The following KIAA1958 variants were observed in gnomAD, a reference collection of about 807,000 sequenced individuals.
KIAA1958 encodes the protein uncharacterized protein KIAA1958.
In KIAA1958, 14 loss-of-function variants were observed where a neutral mutation model predicts 47.2. That is an observed-to-expected ratio of 0.30 (90% CI 0.20 to 0.46). The LOEUF is 0.46. Among genes scored for constraint, KIAA1958 ranks in the 20% least tolerant of loss-of-function variants. The pLI, the probability that KIAA1958 is intolerant of heterozygous loss-of-function variation, is 1.00. For synonymous variants in KIAA1958, 354 were observed against 353.3 expected, an observed-to-expected ratio of 1.00 and a Z score of -0.02; for missense variants, 803 against 909.2, an observed-to-expected ratio of 0.88 and a Z score of 1.50.
At chr9:112,559,714 G>A (rs1023571818) in intron 1 of KIAA1958, among the ~76,000 whole-genome samples, 1 of 152,176 alleles carries the variant, frequency 6.6e-6, no homozygotes, top group Non-Finnish European at 1.5e-5. Context: ...ATTCCATCAG[G>A]AGAATGAGGC....
chr9:112,611,402 T>C (rs1293069360), intron 2 of KIAA1958, among the ~76,000 whole-genome samples: 2 of 152,056 alleles, frequency 1.3e-5, no homozygotes, highest in East Asian at 3.9e-4. Flanking sequence ...AATACAAATA[T>C]ACAACAGTTA....
At chr9:112,575,376 G>C in intron 2 of KIAA1958, 125 bp downstream of exon 2, 2 of 633,710 alleles carry the variant, frequency 3.2e-6, no homozygotes. Context: ...TAGAAAGATA[G>C]AAACAATGAC....
rs748319120 is a variant in KIAA1958 at position 112,574,810 on chromosome 9, C to T, written c.730C>T (p.Pro244Ser). 4.3e-6 allele frequency: 7 copies of T among 1,614,110 alleles called. No individual in the cohort carries two copies. In the Admixed American group the frequency reaches 1.0e-4, roughly 23 times the overall value. Reference sequence around the variant, plus strand: ...ACCCAAGCCTCAGACTCACGCTGGTCCCTCCTGTGTAGGGTCTGCTAAACT... The same window carrying T: ...ACCCAAGCCTCAGACTCACGCTGGTTCCTCCTGTGTAGGGTCTGCTAAACT... ...AKPKPQTHAG[P>S]SCVGSAKLIP... is the part of the protein sequence containing the mutation. The change falls in exon 2 of 4, where the codon CCC becomes TCC. Residue 244 changes from proline to serine, a missense_variant. Physicochemically the swap from Pro to Ser is moderately conservative, Grantham distance 74 (BLOSUM62 -1). This residue lies in a region of KIAA1958 where 761 missense variants were observed against 829.3 expected (regional missense o/e 0.92). Transcript: ENST00000337530.
Position 112,574,434 on chromosome 9 carries a change from C to G in KIAA1958, c.354C>G (p.Asp118Glu). The G allele has an allele frequency of 1.9e-6, 3 of 1,614,146 alleles. No homozygotes were observed. Among genetic ancestry groups the G allele is most frequent in the Non-Finnish European group, 2.5e-6 (3 of 1,179,998 alleles). ...KAKLDCNRTR[D>E]SCDFSYCSEP... Reference sequence around the variant, plus strand: ...AGCTAGACTGTAACCGGACCAGAGACTCTTGTGACTTCTCCTACTGTAGTG... The same window carrying G: ...AGCTAGACTGTAACCGGACCAGAGAGTCTTGTGACTTCTCCTACTGTAGTG... The change falls in exon 2 of 4, where the codon GAC (aspartate) becomes GAG (glutamate). Residue 118 changes from aspartate to glutamate, a missense_variant. This residue lies in a region of KIAA1958 where 761 missense variants were observed against 829.3 expected (regional missense o/e 0.92). Transcript: ENST00000337530.
Position 112,659,280 on chromosome 9 carries a change from G to T in KIAA1958, c.1362G>T (p.Leu454Phe). 1.9e-6 allele frequency: 3 copies of T among 1,612,596 alleles called. No individual in the cohort carries two copies. Among genetic ancestry groups the T allele is most frequent in the South Asian group, 1.1e-5 (1 of 90,980 alleles). The stretch of plus-strand genomic sequence containing the variant: ...CATTTGAGATCCCTGCAGTGAAGTT[G>T]AACGAGCTGCTCGAGAACTTTTATG... ...TDITKIPAVKLNELLENFYVT... is the reference protein window; with the variant it reads ...TDITKIPAVKFNELLENFYVT... Residue 454 changes from leucine (L) to phenylalanine (F), a missense_variant, in exon 4 of 4, where the codon TTG (leucine) becomes TTT (phenylalanine). By Grantham distance (22) the Leu-to-Phe change is conservative. This residue lies in a region of KIAA1958 where 761 missense variants were observed against 829.3 expected (regional missense o/e 0.92). Coordinates refer to ENST00000337530, the MANE Select transcript of KIAA1958 (RefSeq NM_133465.4).
intron 3 of KIAA1958, among the ~76,000 whole-genome samples, chr9:112,654,531 G>A (rs1243804412): frequency 2.0e-5 from 3 of 152,198 alleles, no homozygotes; most frequent in East Asian, 1.9e-4. Flanking sequence ...AAGCAGAGGC[G>A]AAAGATGAGA....
At chr9:112,582,832 G>A (rs553189149) in intron 2 of KIAA1958, among the ~76,000 whole-genome samples, 1 of 152,238 alleles carries the variant, frequency 6.6e-6, no homozygotes, top group South Asian at 2.1e-4. Flanking sequence ...TATGAAGGGC[G>A]GAGGGAAGGA....
At chr9:112,488,075 G>C (rs1833899835) in intron 1 of KIAA1958, among the ~76,000 whole-genome samples, 1 of 152,052 alleles carries the variant, frequency 6.6e-6, no homozygotes, top group South Asian at 2.1e-4. Flanking sequence ...AGCCAGTCAG[G>C]TAGTGACAGC....
At chr9:112,557,064 T>C (rs1377940746) in intron 1 of KIAA1958, among the ~76,000 whole-genome samples, 1 of 152,112 alleles carries the variant, frequency 6.6e-6, no homozygotes, top group African/African-American at 2.4e-5. Context: ...GCTCAAGTGA[T>C]CCTCCCACCT....
chr9:112,579,033 TA>T (rs1346513716), intron 2 of KIAA1958, among the ~76,000 whole-genome samples: 5 of 151,826 alleles, frequency 3.3e-5, no homozygotes, highest in South Asian at 2.1e-4. Context: ...TTTTTTCTTT[TA>T]AAAAAATTTA....
chr9:112,640,261 A>C (rs1214529646), intron 2 of KIAA1958, among the ~76,000 whole-genome samples: 1 of 152,226 alleles, frequency 6.6e-6, no homozygotes, highest in Non-Finnish European at 1.5e-5. Context: ...TAACTCTTAC[A>C]GTTAAGCCCT....
At chr9:112,567,717 G>A (rs143704170) in intron 1 of KIAA1958, among the ~76,000 whole-genome samples, 17,053 of 151,990 alleles carry the variant, frequency 0.11, 1,380 homozygotes, top group East Asian at 0.18. Context: ...CCAGCACTTT[G>A]GGAGGCCGAG....
At chr9:112,635,214 T>TTGTGTGTGTGTGTGTGTG (rs71999105) in intron 2 of KIAA1958, among the ~76,000 whole-genome samples, 14 of 130,436 alleles carry the variant, frequency 1.1e-4, no homozygotes, top group Non-Finnish European at 1.8e-4. Context: ...ATTCTTTATT[T>TTGTGTGTGTGTGTGTGTG]TGTGTGTGTG....
intron 3 of KIAA1958, among the ~76,000 whole-genome samples, chr9:112,651,538 G>T (rs903109725): frequency 6.6e-6 from 1 of 151,776 alleles, no homozygotes; most frequent in Non-Finnish European, 1.5e-5. Flanking sequence ...GGGATTACAG[G>T]TGCCTGCCAC....
intron 1 of KIAA1958, among the ~76,000 whole-genome samples, chr9:112,526,654 T>C (rs1408856679): frequency 1.3e-5 from 2 of 152,216 alleles, no homozygotes; most frequent in South Asian, 4.1e-4. Flanking sequence ...TGCTGTGTTA[T>C]CACATGTCAG....
At chr9:112,533,515 A>T (rs1411694375) in intron 1 of KIAA1958, among the ~76,000 whole-genome samples, 2 of 148,042 alleles carry the variant, frequency 1.4e-5, no homozygotes, top group East Asian at 4.0e-4. Context: ...CGGGAGACGG[A>T]GCTTGCAGTG....
intron 2 of KIAA1958, chr9:112,617,821 T>C (rs749954173): frequency 6.5e-5 from 90 of 1,390,898 alleles, no homozygotes; most frequent in Non-Finnish European, 8.1e-5. Context: ...AAGTGCATTG[T>C]CTGAACTCAT....
At chr9:112,495,189 A>C (rs766838357) in intron 1 of KIAA1958, among the ~76,000 whole-genome samples, 16 of 152,150 alleles carry the variant, frequency 1.1e-4, no homozygotes, top group Non-Finnish European at 1.5e-4. Flanking sequence ...CTGAGATTAC[A>C]GGCATGAGGC....
At chr9:112,615,739 G>T (rs1836398632) in intron 2 of KIAA1958, among the ~76,000 whole-genome samples, 1 of 152,094 alleles carries the variant, frequency 6.6e-6, no homozygotes, top group Non-Finnish European at 1.5e-5. Context: ...AATGCTATGG[G>T]TTTACTTATT....
Sources: gnomAD v4.1 joint callset for allele counts (sites outside exome capture counted in the v4.1 genomes callset) on GRCh38, gnomAD v4.1.1 for gene constraint, gnomAD v4.1.1 regional missense constraint, MANE v1.5 for transcripts, NCBI Gene and HGNC (gene_info 2026-07-23, HGNC 2026-07-21) for gene names.